Variants in CDH2 observed in about 807,000 individuals in gnomAD.
The protein encoded by CDH2 is cadherin 2, also known as cadherin-2.
In CDH2, 17 loss-of-function variants were observed where a neutral mutation model predicts 92.0. The ratio of observed to expected loss-of-function variants is 0.18; its 90% CI spans 0.13 to 0.28. The LOEUF (loss-of-function observed/expected upper bound fraction) is 0.28, where lower values mean the gene tolerates loss of function less well. Among genes scored for constraint, CDH2 ranks in the 10% least tolerant of loss-of-function variants. CDH2 has a pLI of 1.00. For synonymous variants in CDH2, 419 were observed against 415.9 expected (o/e 1.01, Z -0.09); for missense variants, 862 against 1,133.1 (o/e 0.76, Z 3.44).
intron 9 of CDH2, among the ~76,000 whole-genome samples, chr18:27,991,654 T>A (rs1310879195): frequency 6.6e-6 from 1 of 152,216 alleles, no homozygotes; most frequent in Non-Finnish European, 1.5e-5. Context: ...GGTTAAATAG[T>A]TGGCCATGAT....
chr18:28,128,751 T>C (rs895448773), intron 2 of CDH2, among the ~76,000 whole-genome samples: 3 of 152,028 alleles, frequency 2.0e-5, no homozygotes, highest in African/African-American at 7.2e-5. Context: ...TGTGCTTCAG[T>C]GGCATTCATG....
intron 15 of CDH2, among the ~76,000 whole-genome samples, chr18:27,955,388 A>G (rs71353454): frequency 4.4e-5 from 4 of 90,814 alleles, no homozygotes; most frequent in Non-Finnish European, 7.8e-5. Context: ...AAAAAAAAGA[A>G]AAAGAAAGAA....
chr18:28,002,339 C>G (rs898531836), intron 7 of CDH2, among the ~76,000 whole-genome samples: 1 of 152,194 alleles, frequency 6.6e-6, no homozygotes, highest in Non-Finnish European at 1.5e-5. Flanking sequence ...AGTACCCATT[C>G]CATCTCAGAC....
At chr18:28,123,900 T>C (rs1024350427) in intron 2 of CDH2, among the ~76,000 whole-genome samples, 1 of 152,078 alleles carries the variant, frequency 6.6e-6, no homozygotes, top group Non-Finnish European at 1.5e-5. Context: ...TGAACATGAT[T>C]AAAATAATAG....
chr18:28,058,989 ATTTGATTTTAGTTGG>A (rs750241924), intron 2 of CDH2, among the ~76,000 whole-genome samples: 13 of 152,174 alleles, frequency 8.5e-5, no homozygotes, highest in East Asian at 1.9e-4. Flanking sequence ...TAGCTTATCT[ATTTGATTTTAGTTGG>A]TTTGATTTTA....
At chr18:27,949,214 C>T (rs188827813), downstream of CDH2, among the ~76,000 whole-genome samples, 2 of 152,034 alleles carry the variant, frequency 1.3e-5, no homozygotes, top group Admixed American at 1.3e-4. Flanking sequence ...AATCCTTTTG[C>T]CAGAGGAGGA....
At chr18:28,101,210 A>T (rs562070816) in intron 2 of CDH2, among the ~76,000 whole-genome samples, 1 of 152,132 alleles carries the variant, frequency 6.6e-6, no homozygotes, top group South Asian at 2.1e-4. Flanking sequence ...GCTCTAGAAC[A>T]CCTTAGCAGT....
chr18:28,010,833 G>A (rs1448324495), intron 4 of CDH2, among the ~76,000 whole-genome samples: 1 of 151,640 alleles, frequency 6.6e-6, no homozygotes, highest in African/African-American at 2.4e-5. Context: ...CTGTATTTTA[G>A]TACAGACGGG....
chr18:28,102,610 A>G lies in CDH2; in HGVS notation c.172+45063T>C, dbSNP rs186285239. Among the ~76,000 whole-genome samples, 8 of 152,270 alleles carry G rather than the reference A, an allele frequency of 5.3e-5. No individual in the cohort carries two copies. In the East Asian group the frequency reaches 1.5e-3, roughly 29 times the overall value. On this transcript the variant is annotated intron_variant, in intron 2 of 15. Transcript: ENST00000269141. ...TTATTTATTTTATAATGAATATGCA[A>G]ATTATTCCCTTGCCTTTTTAAGTCA...
chr18:27,985,374 T>C, intron 12 of CDH2, 141 bp from the exon 13 acceptor site: 1 of 782,384 alleles, frequency 1.3e-6, no homozygotes, highest in East Asian at 2.7e-5. Context: ...AATACTTTTT[T>C]GGCCGTAAAG....
chr18:28,068,221 C>T (rs1053393453), intron 2 of CDH2, among the ~76,000 whole-genome samples: 36 of 152,170 alleles, frequency 2.4e-4, no homozygotes, highest in African/African-American at 8.0e-4. Context: ...GATCCCCGAT[C>T]CCCAAACCAT....
intron 2 of CDH2, among the ~76,000 whole-genome samples, chr18:28,069,606 T>C (rs754698606): frequency 2.6e-5 from 4 of 152,122 alleles, no homozygotes; most frequent in African/African-American, 4.8e-5. Context: ...AAAGAGAACA[T>C]TTACTATCTC....
At chr18:27,983,158 A>T in intron 13 of CDH2, 75 bp from the exon 14 acceptor site, 1 of 1,136,468 alleles carries the variant, frequency 8.8e-7, no homozygotes, top group Non-Finnish European at 1.3e-6. Context: ...AGTATTCAGT[A>T]CTAATAATTT....
At chr18:28,166,953 A>G (rs1487329944) in intron 1 of CDH2, among the ~76,000 whole-genome samples, 1 of 152,086 alleles carries the variant, frequency 6.6e-6, no homozygotes, top group Non-Finnish European at 1.5e-5. Context: ...AAGATATACA[A>G]ATATAAAAAA....
intron 1 of CDH2, among the ~76,000 whole-genome samples, chr18:28,148,585 A>G (rs1390495506): frequency 6.6e-6 from 1 of 152,180 alleles, no homozygotes; most frequent in African/African-American, 2.4e-5. Flanking sequence ...CTCCTGTAGC[A>G]TCTGCATTAA....
intron 2 of CDH2, among the ~76,000 whole-genome samples, chr18:28,100,108 T>C (rs1376935812): frequency 6.6e-6 from 1 of 152,172 alleles, no homozygotes; most frequent in Non-Finnish European, 1.5e-5. Flanking sequence ...GTTAATTTTA[T>C]GGGTCAATGT....
Position 27,951,838 on chromosome 18 carries a change from T to G in CDH2, c.*315A>C, listed in dbSNP as rs554681046. The G allele has an allele frequency of 3.8e-6, 1 of 261,964 alleles. No homozygotes were observed. The highest frequency in any genetic ancestry group is 6.5e-5 in the South Asian group (1 of 15,470). 16.2% of individuals were successfully genotyped at this position (261,964 alleles called of 1,614,324 possible). ...ACCACAAAATATTTTGTCTTTTACT[T>G]ATCGTTTCAGAAATCAGTACCATTA... is the stretch of plus-strand genomic sequence containing the variant. On this transcript the variant is annotated 3_prime_UTR_variant, in exon 16 of 16. Transcript: ENST00000269141.
At chr18:27,941,067 G>A (rs930755036) in intron 6 of CDH2, among the ~76,000 whole-genome samples, 2 of 132,204 alleles carry the variant, frequency 1.5e-5, no homozygotes, top group South Asian at 2.4e-4. Context: ...AAGGAGTCTC[G>A]CTCTGTCGCC....
chr18:28,104,872 T>C, intron 2 of CDH2, among the ~76,000 whole-genome samples: 1 of 152,006 alleles, frequency 6.6e-6, no homozygotes, highest in Admixed American at 6.6e-5. Context: ...TTATCTTGGA[T>C]GATAATTTTA....
Sources: allele counts gnomAD v4.1 joint callset (sites outside exome capture counted in the v4.1 genomes callset), GRCh38; gene constraint gnomAD v4.1.1; transcripts MANE v1.5; gene names NCBI Gene and HGNC (gene_info 2026-07-23, HGNC 2026-07-21).